The following PKHD1 variants were observed in gnomAD, a reference collection of about 807,000 sequenced individuals.
The protein encoded by PKHD1 is fibrocystin.
PKHD1 carries 291 observed loss-of-function variants against 412.0 expected under a neutral mutation model. The observed-to-expected ratio is 0.71, with a 90% CI of 0.64 to 0.78. The LOEUF (loss-of-function observed/expected upper bound fraction) is 0.78, where lower values mean the gene tolerates loss of function less well. PKHD1 is among the 30% of genes least tolerant of loss of function. PKHD1 has a pLI of 0.00. For synonymous variants in PKHD1, 1,777 were observed against 1,821.5 expected, an observed-to-expected ratio of 0.98 and a Z score of 0.62; for missense variants, 4,825 against 4,950.7, an observed-to-expected ratio of 0.97 and a Z score of 0.76.
At chr6:52,016,740 T>C (rs1197252736) in intron 34 of PKHD1, among the ~76,000 whole-genome samples, 2 of 151,856 alleles carry the variant, frequency 1.3e-5, no homozygotes, top group African/African-American at 4.8e-5. Context: ...TACATGACAA[T>C]GTTCAGTCAT....
Position 51,615,383 on chromosome 6 carries a change from A to G in PKHD1, c.*3698T>C, listed in dbSNP as rs1765981953. On this transcript the variant is annotated 3_prime_UTR_variant, in exon 67 of 67. Coordinates refer to ENST00000371117, the MANE Select transcript of PKHD1 (RefSeq NM_138694.4). ...AATGTTTTATTTCTTTTTGAAAATT[A>G]CCTTGTAGAAATGTGACTTTTCTAT... 1 of 152,302 alleles carries G rather than the reference A, an allele frequency of 6.6e-6. No individual in the cohort carries two copies. The highest frequency in any genetic ancestry group is 2.1e-4 in the South Asian group (1 of 4,828). The allele number at this position is 152,302 out of a possible 1,614,324, so 9.4% of individuals were successfully genotyped here.
At chr6:51,690,402 T>A (rs1278078993) in intron 60 of PKHD1, among the ~76,000 whole-genome samples, 1 of 151,250 alleles carries the variant, frequency 6.6e-6, no homozygotes, top group Non-Finnish European at 1.5e-5. Flanking sequence ...TATCATGCTA[T>A]CCAACTTCAA....
chr6:51,679,555 C>T (rs1776342930), intron 60 of PKHD1, among the ~76,000 whole-genome samples: 1 of 151,742 alleles, frequency 6.6e-6, no homozygotes, highest in Admixed American at 6.6e-5. Flanking sequence ...ACTGGGAATA[C>T]AAAACCTTCG....
At chr6:51,630,064 C>G (rs996882676) in intron 65 of PKHD1, among the ~76,000 whole-genome samples, 1 of 152,020 alleles carries the variant, frequency 6.6e-6, no homozygotes, top group Admixed American at 6.6e-5. Context: ...CTCCGTGAAA[C>G]AATATTTTCA....
intron 60 of PKHD1, among the ~76,000 whole-genome samples, chr6:51,669,091 C>G (rs1419183895): frequency 2.0e-5 from 3 of 152,106 alleles, no homozygotes; most frequent in Non-Finnish European, 4.4e-5. Context: ...CCCTCTTTTT[C>G]TATTGATTGG....
chr6:51,829,856 A>T lies in PKHD1; in HGVS notation c.8302+1005T>A, dbSNP rs552698246. Among the ~76,000 whole-genome samples, 173 of 152,282 alleles carry T rather than the reference A, an allele frequency of 1.1e-3. 1 individual carries two copies. The highest frequency in any genetic ancestry group is 4.0e-3 in the African/African-American group (166 of 41,560). ...GTTCAAGATGAGGACTGGAAGAAAG[A>T]CTGCTTGGGTTCAAATTTTGACTCT... On this transcript the variant is annotated intron_variant, in intron 52 of 66. Transcript: ENST00000371117.
chr6:51,864,330 G>C (rs929622339), intron 48 of PKHD1, among the ~76,000 whole-genome samples: 8 of 152,192 alleles, frequency 5.3e-5, no homozygotes, highest in Admixed American at 3.9e-4. Flanking sequence ...TGGATGGCAA[G>C]ATCAGATCTG....
intron 55 of PKHD1, among the ~76,000 whole-genome samples, chr6:51,767,645 CTCA>C (rs1376074857): frequency 6.6e-6 from 1 of 152,106 alleles, no homozygotes; most frequent in African/African-American, 2.4e-5. Context: ...AGGACATGAA[CTCA>C]TCATTTTTTA....
At chr6:52,055,844 T>C (rs1581994028) in intron 18 of PKHD1, 115 bp from the exon 19 acceptor site, 2 of 1,080,028 alleles carry the variant, frequency 1.9e-6, no homozygotes, top group East Asian at 5.1e-5. Flanking sequence ...ACCCCCGTTC[T>C]AACCCAATTA....
At chr6:51,848,866 A>T (rs535993607) in intron 49 of PKHD1, among the ~76,000 whole-genome samples, 11 of 152,002 alleles carry the variant, frequency 7.2e-5, no homozygotes, top group Admixed American at 2.6e-4. Flanking sequence ...ATTGCTGTTT[A>T]AAAATATGGA....
intron 37 of PKHD1, among the ~76,000 whole-genome samples, chr6:51,923,084 G>A (rs1016396445): frequency 2.6e-5 from 4 of 152,052 alleles, no homozygotes; most frequent in East Asian, 1.9e-4. Context: ...ACCCAACCCC[G>A]TTTTGCCAAA....
intron 54 of PKHD1, among the ~76,000 whole-genome samples, chr6:51,774,029 G>A (rs1490166910): frequency 6.6e-6 from 1 of 151,692 alleles, no homozygotes; most frequent in African/African-American, 2.4e-5. Context: ...TTTCACTATA[G>A]GCTAAGTAAG....
chr6:52,050,618 A>T (rs1394140970), intron 21 of PKHD1, among the ~76,000 whole-genome samples: 1 of 152,224 alleles, frequency 6.6e-6, no homozygotes, highest in Non-Finnish European at 1.5e-5. Flanking sequence ...ATTGCAGTAT[A>T]GCCTGCCACC....
At chr6:51,842,459 C>G (rs1328178798) in intron 50 of PKHD1, among the ~76,000 whole-genome samples, 1 of 152,196 alleles carries the variant, frequency 6.6e-6, no homozygotes, top group Non-Finnish European at 1.5e-5. Flanking sequence ...TGACCCCTGA[C>G]AGAATGTACA....
At chr6:51,970,011 CA>C (rs2127989206) in intron 35 of PKHD1, among the ~76,000 whole-genome samples, 1 of 152,262 alleles carries the variant, frequency 6.6e-6, no homozygotes, top group African/African-American at 2.4e-5. Context: ...GAGAAATCAC[CA>C]TACTGTTTTC....
intron 50 of PKHD1, among the ~76,000 whole-genome samples, chr6:51,838,628 C>T (rs1053466280): frequency 6.6e-6 from 1 of 152,092 alleles, no homozygotes; most frequent in Non-Finnish European, 1.5e-5. Context: ...TTTCCTATAC[C>T]ACCATCTACA....
rs143232156 is a variant in PKHD1, at chr6:51,871,958, G to T, written c.7351-1319C>A. Among the ~76,000 whole-genome samples the T allele has an allele frequency of 1.3e-4, 19 of 145,828 alleles. 6 individuals carry two copies. The South Asian group carries it at 4.2e-3, about 32-fold the overall frequency. ...AAAAACTATAATTAATGGCCTTGGA[G>T]AAATAAGTATATTATATCCATGAAA... On this transcript the variant is annotated intron_variant, in intron 46 of 66. Transcript: ENST00000371117.
intron 60 of PKHD1, among the ~76,000 whole-genome samples, chr6:51,673,409 T>C (rs1449418038): frequency 6.6e-6 from 1 of 152,234 alleles, no homozygotes; most frequent in Non-Finnish European, 1.5e-5. Context: ...CTATAAAGCT[T>C]TCCTACTTTT....
In PKHD1 at chr6:52,058,499, G is replaced by A. The variant is rs1808143278; in HGVS notation, c.1336C>T (p.Leu446=). 1 of 1,614,032 alleles carries A rather than the reference G, an allele frequency of 6.2e-7. No individual in the cohort carries two copies. The highest frequency in any genetic ancestry group is 1.1e-5 in the South Asian group (1 of 91,080). Residue 446 remains leucine (L), a synonymous_variant, in exon 16 of 67, where the codon CTG becomes TTG. Coordinates refer to ENST00000371117, the MANE Select transcript of PKHD1 (RefSeq NM_138694.4). ...AGGTAGTACATGGCTCCACCCAACAGCTCCAACTTGGGAGTCTTCTGCTGC... is the reference window on the plus strand; with the variant it reads ...AGGTAGTACATGGCTCCACCCAACAACTCCAACTTGGGAGTCTTCTGCTGC... ...TWQQKTPKLE[L]LGGAMYYLEA...
Sources: allele counts gnomAD v4.1 joint callset (sites outside exome capture counted in the v4.1 genomes callset), GRCh38; gene constraint gnomAD v4.1.1; transcripts MANE v1.5; gene names NCBI Gene and HGNC (gene_info 2026-07-23, HGNC 2026-07-21).